The following MYO7A variants were observed in gnomAD, a reference collection of about 807,000 sequenced individuals.
MYO7A encodes unconventional myosin-VIIa.
Under a neutral mutation model 263.8 loss-of-function variants are expected in MYO7A, and 210 were observed. That is an observed-to-expected ratio of 0.80 (90% CI 0.71 to 0.89). The LOEUF (loss-of-function observed/expected upper bound fraction) is 0.89. Ranked by LOEUF, MYO7A falls within the 40% of genes least tolerant of loss-of-function variation. MYO7A has a pLI of 0.00. For missense variants in MYO7A, 2,820 were observed against 2,968.3 expected (o/e 0.95, Z 1.16); for synonymous variants, 1,239 against 1,197.3 (o/e 1.03, Z -0.72).
chr11:77,176,146 G>T (rs372507924), intron 18 of MYO7A, among the ~76,000 whole-genome samples: 3 of 152,212 alleles, frequency 2.0e-5, no homozygotes, highest in South Asian at 2.1e-4. Flanking sequence ...CCTCTGGTGT[G>T]GGGGGTGGGG....
intron 20 of MYO7A, 81 bp downstream of exon 20, chr11:77,179,210 A>G (rs1591369596): frequency 1.0e-5 from 13 of 1,289,810 alleles, no homozygotes; most frequent in Non-Finnish European, 1.4e-5. Flanking sequence ...ACTGGCCTGC[A>G]CCCAGGCAGC....
chr11:77,200,702 T>A lies in MYO7A; in HGVS notation c.4853-746T>A, dbSNP rs79087295. 9.9e-3 allele frequency among the ~76,000 whole-genome samples: 1,510 copies of A among 152,366 alleles called. 6 individuals carry two copies. Among genetic ancestry groups the A allele is most frequent in the Non-Finnish European group, 0.017 (1,127 of 68,040 alleles). The stretch of plus-strand genomic sequence containing the variant: ...AGCTAGACCAAATAGCAGAAGCCTG[T>A]GCCTTTAATCTGTAGCCTGTGGGGA... On this transcript the variant is annotated intron_variant, in intron 35 of 48. Coordinates refer to ENST00000409709, the MANE Select transcript of MYO7A (RefSeq NM_000260.4).
intron 38 of MYO7A, among the ~76,000 whole-genome samples, 157 bp downstream of exon 38, chr11:77,203,374 C>A (rs1957209766): frequency 6.6e-6 from 1 of 152,206 alleles, no homozygotes; most frequent in Non-Finnish European, 1.5e-5. Flanking sequence ...ATGCAAGGGG[C>A]TGCCTCGCCC....
chr11:77,206,028 A>C lies in MYO7A; in HGVS notation c.5637-69A>C, dbSNP rs1591486133. 10 of 1,255,476 alleles carry C rather than the reference A, an allele frequency of 8.0e-6. No individual in the cohort carries two copies. The East Asian group carries it at 2.5e-4, about 32-fold the overall frequency. 77.8% of individuals were successfully genotyped at this position (1,255,476 alleles called of 1,614,324 possible). A position where few individuals can be genotyped will look rare whatever the true frequency, so the allele number is the denominator to read the frequency against. Reference sequence around the variant, plus strand: ...ATCAGAACTGGGGTTGTCTGCCTCCAAGTGTCCCGGTCCCCTGGTCTCCAC... The same window carrying C: ...ATCAGAACTGGGGTTGTCTGCCTCCCAGTGTCCCGGTCCCCTGGTCTCCAC... On this transcript the variant is annotated intron_variant, in intron 40 of 48. Coordinates refer to ENST00000409709, the MANE Select transcript of MYO7A (RefSeq NM_000260.4).
In MYO7A at chr11:77,184,593, C is replaced by G. The variant is rs369307560; in HGVS notation, c.3381C>G (p.Thr1127=). 13 of 1,562,826 alleles carry G rather than the reference C, an allele frequency of 8.3e-6. No homozygotes were observed. The highest frequency in any genetic ancestry group is 1.1e-5 in the Non-Finnish European group (13 of 1,153,294). Reference sequence around the variant, plus strand: ...GTCCTCTCCCTCTGGCCCAGGTGACCAAGAGGCTGCATGACGGGGAGTCCA... The same window carrying G: ...GTCCTCTCCCTCTGGCCCAGGTGACGAAGAGGCTGCATGACGGGGAGTCCA... ...KKKSKLTEEV[T]KRLHDGESTV... The change falls in exon 27 of 49, where the codon ACC becomes ACG. Residue 1127 remains threonine (T), a synonymous_variant. Transcript: ENST00000409709.
At chr11:77,191,989 T>C (rs763324344) in intron 30 of MYO7A, 62 bp from the exon 31 acceptor site, 1 of 1,463,952 alleles carries the variant, frequency 6.8e-7, no homozygotes, top group Non-Finnish European at 9.4e-7. Context: ...GTTGGCCCCG[T>C]TGAGGCTCCT....
chr11:77,194,058 GGGCT>G lies in MYO7A; in HGVS notation c.4153-291_4153-288del, dbSNP rs1433360094. 8.4e-6 allele frequency: 5 copies of G among 597,524 alleles called. No individual in the cohort carries two copies. In the East Asian group the frequency reaches 1.9e-4, roughly 22 times the overall value. 37.0% of individuals were successfully genotyped at this position (597,524 alleles called of 1,614,324 possible). ...GCTGAGTGTGCAGTGGCTGCTCGAT[GGGCT>G]GGCTTGTTTCTTTGCATCACTTCAT... On this transcript the variant is annotated intron_variant, in intron 31 of 48. Transcript: ENST00000409709.
chr11:77,150,578 C>T (rs1951891521), intron 4 of MYO7A, among the ~76,000 whole-genome samples: 1 of 152,104 alleles, frequency 6.6e-6, no homozygotes, highest in Non-Finnish European at 1.5e-5. Context: ...TCACCATAAC[C>T]TTTCTGACTT....
chr11:77,199,279 T>C (rs977385841), intron 34 of MYO7A, among the ~76,000 whole-genome samples: 5 of 152,214 alleles, frequency 3.3e-5, no homozygotes, highest in African/African-American at 4.8e-5. Flanking sequence ...TAGGCCATTT[T>C]AAAGCATGGT....
At chr11:77,198,643 T>C (rs1250881089) in intron 34 of MYO7A, 22 bp downstream of exon 34, 4 of 1,613,160 alleles carry the variant, frequency 2.5e-6, no homozygotes, top group Non-Finnish European at 3.4e-6. Flanking sequence ...CGCATGGAGA[T>C]GCAGACAGAC....
intron 24 of MYO7A, 68 bp from the exon 25 acceptor site, chr11:77,182,356 G>T: frequency 6.0e-6 from 9 of 1,508,198 alleles, no homozygotes; most frequent in East Asian, 2.4e-5. Flanking sequence ...TCCCCAAACC[G>T]CCAGGTCATT....
rs541206089 is a variant in MYO7A, at chr11:77,159,780, C to T, written c.1080+257C>T. 3.3e-5 allele frequency among the ~76,000 whole-genome samples: 5 copies of T among 152,334 alleles called. No homozygotes were observed. The East Asian group carries it at 7.7e-4, about 24-fold the overall frequency. On this transcript the variant is annotated intron_variant, in intron 10 of 48. Transcript: ENST00000409709. ...TGACCCTGGGTGAGTCATCCCTGCC[C>T]TCTGGGCCTCAGTCTCCACATCTGG...
In MYO7A at chr11:77,214,974, G is replaced by C; in HGVS notation, c.*278G>C. ...CGGTTGTGAGAGCCTGTGATCCTTA[G>C]ATGTGTCTCCTGTTTCAGACCAGCC... On this transcript the variant is annotated 3_prime_UTR_variant, in exon 49 of 49. Coordinates refer to ENST00000409709, the MANE Select transcript of MYO7A (RefSeq NM_000260.4). The C allele has an allele frequency of 2.3e-6, 1 of 426,614 alleles. No individual in the cohort carries two copies. The highest frequency in any genetic ancestry group is 3.7e-5 in the Admixed American group (1 of 26,834). 26.4% of individuals were successfully genotyped at this position (426,614 alleles called of 1,614,324 possible). A position where few individuals can be genotyped will look rare whatever the true frequency, so the allele number is the denominator to read the frequency against.
At chr11:77,163,986 G>A (rs1446425139) in intron 14 of MYO7A, among the ~76,000 whole-genome samples, 2 of 152,108 alleles carry the variant, frequency 1.3e-5, no homozygotes, top group Admixed American at 6.5e-5. Flanking sequence ...CAAGGTGGGG[G>A]GGGCTTGACT....
At position 77,202,300 on chromosome 11, in the gene MYO7A, G is replaced by A. The variant is rs1179871418; in HGVS notation, c.5044G>A (p.Ala1682Thr). The change falls in exon 37 of 49, where the codon GCC becomes ACC. Residue 1682 changes from alanine to threonine, a missense_variant and splice_region_variant. Transcript: ENST00000409709. ...TVTMPPREIV[A>T]LVTMTPDQRQ... is the part of the protein sequence containing the mutation. ...GAGCCCCCTGTCTCTTGGTCCCTAG[G>A]CCCTGGTCACCATGACTCCCGATCA... The A allele has an allele frequency of 6.3e-7, 1 of 1,585,240 alleles. No individual in the cohort carries two copies. The highest frequency in any genetic ancestry group is 8.6e-7 in the Non-Finnish European group (1 of 1,164,876).
At chr11:77,211,484 T>C in intron 45 of MYO7A, 147 bp downstream of exon 45, 2 of 917,574 alleles carry the variant, frequency 2.2e-6, no homozygotes, top group Non-Finnish European at 3.2e-6. Flanking sequence ...CCCTTGTTCC[T>C]CCACCTGCCT....
intron 38 of MYO7A, 65 bp downstream of exon 38, chr11:77,203,282 T>C (rs377014172): frequency 6.6e-7 from 1 of 1,511,270 alleles, no homozygotes; most frequent in Non-Finnish European, 8.9e-7. Context: ...GTCTGCACAC[T>C]GCCTTCCTCC....
chr11:77,139,240 T>G (rs1473808396), intron 2 of MYO7A, among the ~76,000 whole-genome samples: 1 of 152,196 alleles, frequency 6.6e-6, no homozygotes, highest in African/African-American at 2.4e-5. Context: ...GTGTTCACTG[T>G]GGATATGTGC....
At chr11:77,163,271 C>T (rs533806662) in intron 14 of MYO7A, among the ~76,000 whole-genome samples, 17 of 152,270 alleles carry the variant, frequency 1.1e-4, no homozygotes, top group African/African-American at 3.4e-4. Context: ...CCCCTACCCC[C>T]GGCCCCCTGT....
Sources: allele counts gnomAD v4.1 joint callset (sites outside exome capture counted in the v4.1 genomes callset), GRCh38; gene constraint gnomAD v4.1.1; transcripts MANE v1.5; gene names NCBI Gene and HGNC (gene_info 2026-07-23, HGNC 2026-07-21).